Variants in DCUN1D2 observed in about 807,000 individuals in gnomAD.
DCUN1D2 encodes the protein DCN1-like protein 2.
A neutral mutation model predicts 30.9 loss-of-function variants in DCUN1D2; 29 were observed. That is an observed-to-expected ratio of 0.94 (90% CI 0.70 to 1.28). The LOEUF (loss-of-function observed/expected upper bound fraction) is 1.28. DCUN1D2 is among the 50% of genes most tolerant of loss of function. DCUN1D2 has a pLI of 0.00. For missense variants in DCUN1D2, 325 were observed against 316.9 expected, an observed-to-expected ratio of 1.03 and a Z score of -0.19; for synonymous variants, 121 against 115.3, an observed-to-expected ratio of 1.05 and a Z score of -0.32.
At position 113,490,594 on chromosome 13, in the gene DCUN1D2, G is replaced by A. The variant is rs1282191942; in HGVS notation, c.3+73C>T. ...GGGCTCGGCCTCCCACATCCAGCGC[G>A]CCGCCTGCGCCGACCTTGGGGCCCG... On this transcript the variant is annotated intron_variant, in intron 1 of 6. Transcript: ENST00000478244. The surrounding 1 kb of genome is among the most constrained non-coding windows in gnomAD (Gnocchi z 5.2). 3 of 1,195,702 alleles carry A rather than the reference G, an allele frequency of 2.5e-6. No homozygotes were observed. Among genetic ancestry groups the A allele is most frequent in the East Asian group, 3.5e-5 (1 of 28,232 alleles). 74.1% of individuals were successfully genotyped at this position (1,195,702 alleles called of 1,614,324 possible).
chr13:113,468,704 T>TA (rs78366471), intron 4 of DCUN1D2, among the ~76,000 whole-genome samples: 30,170 of 151,972 alleles, frequency 0.2, 3,853 homozygotes, highest in African/African-American at 0.36. Flanking sequence ...GCACAGTGTG[T>TA]AACCTTCCCT....
chr13:113,459,598 T>A, intron 5 of DCUN1D2, 190 bp from the exon 6 acceptor site: 1 of 439,152 alleles, frequency 2.3e-6, no homozygotes, highest in East Asian at 3.4e-5. Flanking sequence ...TGTCCAAATA[T>A]AGAAAGCAGA....
chr13:113,475,004 C>T (rs547602484), intron 3 of DCUN1D2, among the ~76,000 whole-genome samples: 6 of 152,184 alleles, frequency 3.9e-5, no homozygotes, highest in East Asian at 3.9e-4. Flanking sequence ...AGGCAGAAAT[C>T]GACAACAGTA....
chr13:113,472,940 C>T (rs559196393), intron 4 of DCUN1D2, among the ~76,000 whole-genome samples: 13 of 152,176 alleles, frequency 8.5e-5, no homozygotes, highest in Non-Finnish European at 1.5e-4. Context: ...GTCTCTCTCC[C>T]GTGTCCCCCT....
At chr13:113,468,575 T>C (rs1403308784) in intron 4 of DCUN1D2, among the ~76,000 whole-genome samples, 3 of 152,264 alleles carry the variant, frequency 2.0e-5, no homozygotes, top group South Asian at 4.1e-4. Context: ...CAAGGACTCC[T>C]GACTGGTTTA....
rs2044241642 is a variant in DCUN1D2, at chr13:113,457,296, G to C, written c.*733C>G. ...AAACATACTTTATGAAGCTTCTCAG[G>C]CAGGTCAAATAATATTTAAGTAAGA... On this transcript the variant is annotated 3_prime_UTR_variant, in exon 7 of 7. Transcript: ENST00000478244. 1 of 152,066 alleles carries C rather than the reference G, an allele frequency of 6.6e-6. No homozygotes were observed. The highest frequency in any genetic ancestry group is 6.5e-5 in the Admixed American group (1 of 15,268). The allele number at this position is 152,066 out of a possible 1,614,324, so 9.4% of individuals were successfully genotyped here. A position where few individuals can be genotyped will look rare whatever the true frequency, so the allele number is the denominator to read the frequency against.
chr13:113,490,587 C>T lies in DCUN1D2; in HGVS notation c.3+80G>A, dbSNP rs1217581383. 2 of 1,186,914 alleles carry T rather than the reference C, an allele frequency of 1.7e-6. No individual in the cohort carries two copies. The highest frequency in any genetic ancestry group is 7.1e-5 in the East Asian group (2 of 28,162). The allele number at this position is 1,186,914 out of a possible 1,614,324, so 73.5% of individuals were successfully genotyped here. ...GCTCGCTGGGCTCGGCCTCCCACAT[C>T]CAGCGCGCCGCCTGCGCCGACCTTG... On this transcript the variant is annotated intron_variant, in intron 1 of 6. Coordinates refer to ENST00000478244, the MANE Select transcript of DCUN1D2 (RefSeq NM_001014283.2). The surrounding 1 kb of genome is among the most constrained non-coding windows in gnomAD (Gnocchi z 5.2).
intron 4 of DCUN1D2, among the ~76,000 whole-genome samples, chr13:113,473,340 G>C (rs2044557277): frequency 6.6e-6 from 1 of 152,146 alleles, no homozygotes; most frequent in African/African-American, 2.4e-5. Flanking sequence ...TGCAGTCCCT[G>C]AATCCCTGCT....
rs1020369945 is a variant in DCUN1D2 at position 113,490,131 on chromosome 13, C to T, written c.3+536G>A. On this transcript the variant is annotated intron_variant, in intron 1 of 6. Transcript: ENST00000478244. The surrounding 1 kb of genome is among the most constrained non-coding windows in gnomAD (Gnocchi z 5.2). Reference sequence around the variant, plus strand: ...ACTCTACCAGCTCCACAGATGCACACCTACAGCCACGCTACAGCTCCCGGC... The same window carrying T: ...ACTCTACCAGCTCCACAGATGCACATCTACAGCCACGCTACAGCTCCCGGC... Among the ~76,000 whole-genome samples the T allele has an allele frequency of 2.0e-5, 3 of 152,242 alleles. No homozygotes were observed. Among genetic ancestry groups the T allele is most frequent in the Non-Finnish European group, 1.5e-5 (1 of 68,048 alleles).
intron 2 of DCUN1D2, among the ~76,000 whole-genome samples, chr13:113,481,971 T>C (rs1442286278): frequency 1.3e-5 from 2 of 152,204 alleles, no homozygotes. Flanking sequence ...GCATAGTTTA[T>C]GGGACAGAGG....
intron 1 of DCUN1D2, 47 bp from the exon 2 acceptor site, chr13:113,484,103 T>A: frequency 2.5e-6 from 4 of 1,607,258 alleles, no homozygotes; most frequent in Non-Finnish European, 3.4e-6. Flanking sequence ...CCGCTCCAGG[T>A]TTGTCCCAGC....
At chr13:113,489,045 A>C (rs1732975672) in intron 1 of DCUN1D2, 2 of 898,792 alleles carry the variant, frequency 2.2e-6, no homozygotes, top group African/African-American at 3.6e-5. Flanking sequence ...CCCATATGTA[A>C]AATGGAAAGA....
In DCUN1D2 at chr13:113,487,927, G is replaced by A. The variant is rs148782141; in HGVS notation, c.3+2740C>T. Among the ~76,000 whole-genome samples, 32 of 152,118 alleles carry A rather than the reference G, an allele frequency of 2.1e-4. No homozygotes were observed. In the East Asian group the frequency reaches 5.4e-3, roughly 26 times the overall value. ...CAATCAGCAGACTAATATACTCTTC[G>A]GCGACTGAATTATTTAACCAGCATT... On this transcript the variant is annotated intron_variant, in intron 1 of 6. Transcript: ENST00000478244.
chr13:113,490,633 C>T lies in DCUN1D2; in HGVS notation c.3+34G>A, dbSNP rs1192158332. 1.6e-6 allele frequency: 2 copies of T among 1,230,864 alleles called. No individual in the cohort carries two copies. The highest frequency in any genetic ancestry group is 3.5e-5 in the East Asian group (1 of 28,852). 76.2% of individuals were successfully genotyped at this position (1,230,864 alleles called of 1,614,324 possible). A position where few individuals can be genotyped will look rare whatever the true frequency, so the allele number is the denominator to read the frequency against. On this transcript the variant is annotated intron_variant, in intron 1 of 6. Transcript: ENST00000478244. The surrounding 1 kb of genome is among the most constrained non-coding windows in gnomAD (Gnocchi z 5.2). ...CCTTGGGGCCCGACCCCGACCCCGA[C>T]CCCGACGGGCAGAGGCGACGCCGGG...
chr13:113,459,467 T>C (rs1595564847), intron 5 of DCUN1D2, 59 bp from the exon 6 acceptor site: 2 of 778,188 alleles, frequency 2.6e-6, no homozygotes, highest in South Asian at 1.5e-5. Context: ...TTAACTCTCA[T>C]ATATTCTAGT....
chr13:113,467,020 G>C (rs1259479760), intron 4 of DCUN1D2, among the ~76,000 whole-genome samples: 2 of 152,070 alleles, frequency 1.3e-5, no homozygotes, highest in Non-Finnish European at 2.9e-5. Context: ...ATGTTGGCCA[G>C]GGTGGTCTCG....
At chr13:113,474,334 T>C (rs1393943418) in intron 3 of DCUN1D2, 80 bp from the exon 4 acceptor site, 24 of 1,542,106 alleles carry the variant, frequency 1.6e-5, no homozygotes, top group Non-Finnish European at 2.1e-5. Context: ...GCAGGAACTG[T>C]GACCAGGCAC....
Position 113,457,956 on chromosome 13 carries a change from A to G in DCUN1D2, c.*73T>C. 1 of 1,367,156 alleles carries G rather than the reference A, an allele frequency of 7.3e-7. No individual in the cohort carries two copies. 84.7% of individuals were successfully genotyped at this position (1,367,156 alleles called of 1,614,324 possible). A position where few individuals can be genotyped will look rare whatever the true frequency, so the allele number is the denominator to read the frequency against. On this transcript the variant is annotated 3_prime_UTR_variant, in exon 7 of 7. Coordinates refer to ENST00000478244, the MANE Select transcript of DCUN1D2 (RefSeq NM_001014283.2). ...TGACTTCTGGAATCAGCGACAATGC[A>G]CCCAGGAACTGACTGCAATCTCCTT...
chr13:113,486,120 A>G (rs1324009199), intron 1 of DCUN1D2, among the ~76,000 whole-genome samples: 1 of 152,194 alleles, frequency 6.6e-6, no homozygotes, highest in African/African-American at 2.4e-5. Flanking sequence ...TCATTCTTAA[A>G]AACATATAGG....
Sources: allele counts gnomAD v4.1 joint callset (sites outside exome capture counted in the v4.1 genomes callset), GRCh38; gene constraint gnomAD v4.1.1; non-coding constraint Gnocchi (gnomAD v3.1); transcripts MANE v1.5; gene names NCBI Gene and HGNC (gene_info 2026-07-23, HGNC 2026-07-21).